The following TMEM237 variants were observed in gnomAD, a reference collection of about 807,000 sequenced individuals.
TMEM237 encodes the protein transmembrane protein 237.
Under a neutral mutation model 59.1 loss-of-function variants are expected in TMEM237, and 51 were observed. The observed-to-expected ratio is 0.86, with a 90% confidence interval of 0.69 to 1.09. TMEM237 has a LOEUF of 1.09. Ranked by LOEUF, TMEM237 falls within the 50% of genes least tolerant of loss-of-function variation. TMEM237 has a pLI of 0.00. For missense variants in TMEM237, 475 were observed against 478.3 expected (o/e 0.99, Z 0.06); for synonymous variants, 140 against 166.1 (o/e 0.84, Z 1.21).
intron 2 of TMEM237, 43 bp downstream of exon 2, chr2:201,640,850 A>G: frequency 2.0e-6 from 3 of 1,501,592 alleles, no homozygotes; most frequent in African/African-American, 1.4e-5. Context: ...TTCATTTTCC[A>G]TTTTTAAAGC....
rs1339325702 is a variant in TMEM237, at chr2:201,633,360, C to T, written c.346G>A (p.Ala116Thr). 6.3e-7 allele frequency: 1 copy of T among 1,595,380 alleles called. No homozygotes were observed. Among genetic ancestry groups the T allele is most frequent in the Non-Finnish European group, 8.5e-7 (1 of 1,170,442 alleles). ...SLLRNENGID[A>T]EPAEEAVIQK... ...ATAACTGCCTCCTCAGCTGGCTCCG[C>T]ATCAATACCATTTTCATTTCGTAAT... The change falls in exon 6 of 13, where the codon GCG (alanine) becomes ACG (threonine). Residue 116 changes from alanine to threonine, a missense_variant. Ala to Thr is a moderately conservative substitution (Grantham distance 58). Coordinates refer to ENST00000409883, the MANE Select transcript of TMEM237 (RefSeq NM_001044385.3).
rs530769303 is a variant in TMEM237 at position 201,629,225 on chromosome 2, A to G, written c.869+5T>C. On this transcript the variant is annotated splice_donor_5th_base_variant and intron_variant, in intron 9 of 12. Coordinates refer to ENST00000409883, the MANE Select transcript of TMEM237 (RefSeq NM_001044385.3). ...GTTAGACAGATCTGGAGTCATAGGC[A>G]TTACCTGTCAAAAGCTGAAATTGTA... 5.2e-6 allele frequency: 8 copies of G among 1,548,936 alleles called. No homozygotes were observed. In the African/African-American group the frequency reaches 9.6e-5, roughly 19 times the overall value.
Position 201,628,153 on chromosome 2 carries a change from GAAAATATA to G in TMEM237, c.870-12_870-5del. 1 of 1,593,328 alleles carries G rather than the reference GAAAATATA, an allele frequency of 6.3e-7. No individual in the cohort carries two copies. The highest frequency in any genetic ancestry group is 8.6e-7 in the Non-Finnish European group (1 of 1,168,764). ...TGATATTTTAGCAAAGTCAATCCTA[GAAAATATA>G]AAAGTTTCTTGTCACAGCGCAGTTG... On this transcript the variant is annotated splice_polypyrimidine_tract_variant and splice_region_variant and intron_variant, in intron 9 of 12. Transcript: ENST00000409883.
intron 1 of TMEM237, chr2:201,642,649 G>T: frequency 6.2e-7 from 1 of 1,607,768 alleles, no homozygotes; most frequent in Non-Finnish European, 8.5e-7. Context: ...CGGCCTCGGC[G>T]GCCGCCGGCC....
chr2:201,632,082 C>T lies in TMEM237; in HGVS notation c.522G>A (p.Gln174=). The T allele has an allele frequency of 6.2e-7, 1 of 1,613,896 alleles. No individual in the cohort carries two copies. Among genetic ancestry groups the T allele is most frequent in the Non-Finnish European group, 8.5e-7 (1 of 1,179,814 alleles). Residue 174 remains glutamine, a synonymous_variant, in exon 7 of 13, where the codon CAG becomes CAA. Coordinates refer to ENST00000409883, the MANE Select transcript of TMEM237 (RefSeq NM_001044385.3). ...SVFTAPTGIS[Q]PVGKVFVEKS... ...TTTCCACAAATACTTTGCCTACAGG[C>T]TGGCTAATGCCAGTGGGTGCAGTGA... is the stretch of plus-strand genomic sequence containing the variant.
At chr2:201,626,255 A>G (rs1957757949) in intron 11 of TMEM237, 108 bp from the exon 12 acceptor site, 3 of 1,184,830 alleles carry the variant, frequency 2.5e-6, no homozygotes, top group Non-Finnish European at 3.5e-6. Context: ...TCCTAGAGAA[A>G]TAACAAGTAA....
At chr2:201,642,665 G>T (rs367719269) in intron 1 of TMEM237, 2 of 1,607,252 alleles carry the variant, frequency 1.2e-6, no homozygotes, top group African/African-American at 1.3e-5. Context: ...CGGCCCCCAA[G>T]CACCTGGCGC....
At position 201,632,035 on chromosome 2, in the gene TMEM237, C is replaced by T. The variant is rs757113589; in HGVS notation, c.553+16G>A. The T allele has an allele frequency of 8.7e-6, 14 of 1,612,438 alleles. No individual in the cohort carries two copies. In the South Asian group the frequency reaches 1.5e-4, roughly 18 times the overall value. On this transcript the variant is annotated intron_variant, in intron 7 of 12. Coordinates refer to ENST00000409883, the MANE Select transcript of TMEM237 (RefSeq NM_001044385.3). ...TTTTTAAAGAGTTCATATTCTAAAA[C>T]AAGGCATCTACTTACGGCTTTTTTC... is the stretch of plus-strand genomic sequence containing the variant.
intron 7 of TMEM237, among the ~76,000 whole-genome samples, chr2:201,631,614 G>A (rs992290791): frequency 1.3e-5 from 2 of 152,148 alleles, no homozygotes; most frequent in African/African-American, 4.8e-5. Context: ...ATCAGGCAGG[G>A]GTGGGGAAGA....
At chr2:201,629,556 T>C in intron 8 of TMEM237, 135 bp from the exon 9 acceptor site, 2 of 1,267,930 alleles carry the variant, frequency 1.6e-6, no homozygotes, top group South Asian at 3.4e-5. Flanking sequence ...TCTTTTTAGT[T>C]ACACTGATAG....
chr2:201,642,098 C>T (rs1559591464), intron 1 of TMEM237, among the ~76,000 whole-genome samples: 1 of 152,166 alleles, frequency 6.6e-6, no homozygotes, highest in South Asian at 2.1e-4. Flanking sequence ...GTGGGGGGAA[C>T]CCTTCTAAAC....
intron 9 of TMEM237, among the ~76,000 whole-genome samples, chr2:201,628,679 G>A (rs1353509844): frequency 6.6e-6 from 1 of 152,146 alleles, no homozygotes; most frequent in African/African-American, 2.4e-5. Flanking sequence ...GGAAAGTGCT[G>A]CATGACGATA....
rs748301153 is a variant in TMEM237 at position 201,626,034 on chromosome 2, A to G, written c.1151T>C (p.Leu384Pro). The change falls in exon 12 of 13, where the codon CTT becomes CCT. Residue 384 changes from leucine (L) to proline (P), a missense_variant. Transcript: ENST00000409883. ...TTTTTTTTCTTTAATACCTTCACTA[A>G]GATCCATGCCTGGCCTATAAGACAA... The part of the protein sequence containing the change: ...LFLSYRPGMD[L>P]SEELMFSSEV... 3.2e-6 allele frequency: 5 copies of G among 1,584,748 alleles called. No individual in the cohort carries two copies. The East Asian group carries it at 9.1e-5, about 29-fold the overall frequency.
chr2:201,625,919 G>A (rs1165531044), intron 12 of TMEM237, 107 bp downstream of exon 12: 1 of 1,110,630 alleles, frequency 9.0e-7, no homozygotes, highest in African/African-American at 1.6e-5. Flanking sequence ...TAATTTAAAT[G>A]TGTCTTTGTT....
intron 4 of TMEM237, among the ~76,000 whole-genome samples, chr2:201,637,218 T>C (rs1339440953): frequency 2.0e-5 from 3 of 152,198 alleles, no homozygotes; most frequent in Non-Finnish European, 4.4e-5. Context: ...CCATAGAGAA[T>C]TCTCTTACTT....
Position 201,629,390 on chromosome 2 carries a change from C to T in TMEM237, c.709G>A (p.Ala237Thr), listed in dbSNP as rs763431945. 4 of 1,582,560 alleles carry T rather than the reference C, an allele frequency of 2.5e-6. No individual in the cohort carries two copies. Among genetic ancestry groups the T allele is most frequent in the Non-Finnish European group, 3.4e-6 (4 of 1,170,564 alleles). ...MIGLFSHGFL[A>T]GCAVWNIVVI... Reference sequence around the variant, plus strand: ...ACAATATTCCACACAGCACAGCCAGCCAAGAATCCATGAGAAAAGAGACCA... The same window carrying T: ...ACAATATTCCACACAGCACAGCCAGTCAAGAATCCATGAGAAAAGAGACCA... Residue 237 changes from alanine (A) to threonine (T), a missense_variant, in exon 9 of 13, where the codon GCT becomes ACT. Physicochemically the swap from Ala to Thr is moderately conservative, Grantham distance 58. Transcript: ENST00000409883.
At chr2:201,633,798 A>G (rs1687230490) in intron 5 of TMEM237, among the ~76,000 whole-genome samples, 1 of 152,222 alleles carries the variant, frequency 6.6e-6, no homozygotes, top group African/African-American at 2.4e-5. Context: ...AGCAAAAGGA[A>G]AAAGTACATG....
In TMEM237 at chr2:201,632,062, A is replaced by T; in HGVS notation, c.542T>A (p.Val181Glu). 2 of 1,613,754 alleles carry T rather than the reference A, an allele frequency of 1.2e-6. No individual in the cohort carries two copies. The highest frequency in any genetic ancestry group is 1.7e-6 in the Non-Finnish European group (2 of 1,179,754). The change falls in exon 7 of 13, where the codon GTG becomes GAG. Residue 181 changes from valine (V) to glutamate (E), a missense_variant. Coordinates refer to ENST00000409883, the MANE Select transcript of TMEM237 (RefSeq NM_001044385.3). ...AGGCATCTACTTACGGCTTTTTTCC[A>T]CAAATACTTTGCCTACAGGCTGGCT... ...GISQPVGKVF[V>E]EKSRRFQAAD...
At position 201,636,764 on chromosome 2, in the gene TMEM237, CT is replaced by C; in HGVS notation, c.257del (p.Lys86ArgfsTer60). 1 of 1,576,426 alleles carries C rather than the reference CT, an allele frequency of 6.3e-7. No homozygotes were observed. Among genetic ancestry groups the C allele is most frequent in the Non-Finnish European group, 8.6e-7 (1 of 1,159,878 alleles). ...TTCACATACCAAGAGGTAGCCTTGT[CT>C]TTTTCTGTCTTCTTTGAACAGGAGC... Reference protein sequence around the residue: ...PEAPVQRRQKKTRLPLELETS... With the variant: ...PEAPVQRRQKXTRLPLELETS... On this transcript the variant is annotated frameshift_variant, in exon 5 of 13. Coordinates refer to ENST00000409883, the MANE Select transcript of TMEM237 (RefSeq NM_001044385.3). LOFTEE classifies it high-confidence loss of function.
Sources: allele counts gnomAD v4.1 joint callset (sites outside exome capture counted in the v4.1 genomes callset), GRCh38; gene constraint gnomAD v4.1.1; transcripts MANE v1.5; gene names NCBI Gene and HGNC (gene_info 2026-07-23, HGNC 2026-07-21).